Variants in LHFPL6 observed in about 807,000 individuals in gnomAD.
The protein encoded by LHFPL6 is LHFPL tetraspan subfamily member 6, also known as LHFPL tetraspan subfamily member 6 protein.
Under a neutral mutation model 20.6 loss-of-function variants are expected in LHFPL6, and 9 were observed. The ratio of observed to expected loss-of-function variants is 0.44; its 90% CI spans 0.26 to 0.76. The LOEUF (loss-of-function observed/expected upper bound fraction) is 0.76. LHFPL6 is among the 30% of genes least tolerant of loss of function. The pLI is 0.20. For missense variants in LHFPL6, 218 were observed against 253.5 expected (o/e 0.86, Z 0.95); for synonymous variants, 105 against 98.7 (o/e 1.06, Z -0.38).
chr13:39,595,030 A>C (rs966082194), intron 2 of LHFPL6, among the ~76,000 whole-genome samples: 3 of 152,160 alleles, frequency 2.0e-5, no homozygotes, highest in African/African-American at 7.2e-5. Context: ...TGACGAGTTA[A>C]TGGGTGCAGC....
At position 39,437,626 on chromosome 13, in the gene LHFPL6, A is replaced by G. The variant is rs145880458; in HGVS notation, c.386-59100T>C. Among the ~76,000 whole-genome samples, 1,004 of 152,312 alleles carry G rather than the reference A, an allele frequency of 6.6e-3. 17 individuals are homozygous for G. Among genetic ancestry groups the G allele is most frequent in the African/African-American group, 0.023 (950 of 41,564 alleles). On this transcript the variant is annotated intron_variant, in intron 2 of 3. Transcript: ENST00000379589. Reference sequence around the variant, plus strand: ...CAGCAGTGCAAGAATTAAATAGGCCAGGCGCGGTGGCTCACGCCTGTAATC... The same window carrying G: ...CAGCAGTGCAAGAATTAAATAGGCCGGGCGCGGTGGCTCACGCCTGTAATC...
At chr13:39,416,219 A>G (rs579270) in intron 2 of LHFPL6, among the ~76,000 whole-genome samples, 76,597 of 152,024 alleles carry the variant, frequency 0.5, 20,608 homozygotes, top group Non-Finnish European at 0.59. Flanking sequence ...TATTGACTCA[A>G]TGATCAAGCC....
intron 2 of LHFPL6, among the ~76,000 whole-genome samples, chr13:39,519,970 G>C (rs1870054672): frequency 1.3e-5 from 2 of 152,192 alleles, no homozygotes; most frequent in Admixed American, 1.3e-4. Flanking sequence ...GGGATTCATA[G>C]GATTGGTCCA....
chr13:39,395,974 T>G (rs544080465), intron 2 of LHFPL6, among the ~76,000 whole-genome samples: 1 of 152,242 alleles, frequency 6.6e-6, no homozygotes, highest in African/African-American at 2.4e-5. Context: ...ACAAGCCTTA[T>G]AAACAGACTA....
chr13:39,511,166 C>T (rs1459000728), intron 2 of LHFPL6, among the ~76,000 whole-genome samples: 2 of 152,068 alleles, frequency 1.3e-5, no homozygotes, highest in Non-Finnish European at 2.9e-5. Flanking sequence ...AGCCACCGCA[C>T]CTAGCCAAAA....
intron 2 of LHFPL6, among the ~76,000 whole-genome samples, chr13:39,534,974 T>G (rs1207497756): frequency 6.6e-6 from 1 of 152,210 alleles, no homozygotes; most frequent in Non-Finnish European, 1.5e-5. Context: ...AATCAGGATG[T>G]TGGCAGGGCC....
chr13:39,562,231 A>G (rs1254222353), intron 2 of LHFPL6, among the ~76,000 whole-genome samples: 1 of 151,956 alleles, frequency 6.6e-6, no homozygotes, highest in Admixed American at 6.6e-5. Context: ...AGTACTAAAC[A>G]TGGAGAGGAA....
Position 39,547,358 on chromosome 13 carries a change from C to A in LHFPL6, c.385+53474G>T, listed in dbSNP as rs535820041. On this transcript the variant is annotated intron_variant, in intron 2 of 3. Transcript: ENST00000379589. ...TCCATTCATCTTGTATCCCCAATAC[C>A]TAGCAAGGGGCTTTGTCACAGAAAG... Among the ~76,000 whole-genome samples the A allele has an allele frequency of 4.6e-5, 7 of 152,140 alleles. No homozygotes were observed. In the South Asian group the frequency reaches 1.5e-3, roughly 32 times the overall value.
At chr13:39,404,809 C>T (rs997671777) in intron 2 of LHFPL6, among the ~76,000 whole-genome samples, 2 of 152,188 alleles carry the variant, frequency 1.3e-5, no homozygotes, top group Non-Finnish European at 2.9e-5. Context: ...AGAGCCAAGA[C>T]CTAGACTGTT....
chr13:39,484,794 G>T (rs746289569), intron 2 of LHFPL6, among the ~76,000 whole-genome samples: 20 of 152,190 alleles, frequency 1.3e-4, no homozygotes, highest in Non-Finnish European at 2.8e-4. Flanking sequence ...GATGAATGAG[G>T]AGGAGGTGAG....
chr13:39,395,011 C>T (rs577838099), intron 2 of LHFPL6, among the ~76,000 whole-genome samples: 2 of 152,278 alleles, frequency 1.3e-5, no homozygotes, highest in South Asian at 4.1e-4. Flanking sequence ...CCCCAATTGG[C>T]CCCATGGACT....
chr13:39,395,974 T>C (rs544080465), intron 2 of LHFPL6, among the ~76,000 whole-genome samples: 2 of 152,360 alleles, frequency 1.3e-5, no homozygotes, highest in African/African-American at 2.4e-5. Flanking sequence ...ACAAGCCTTA[T>C]AAACAGACTA....
chr13:39,412,576 G>T (rs948004107), intron 2 of LHFPL6, among the ~76,000 whole-genome samples: 2 of 152,160 alleles, frequency 1.3e-5, no homozygotes, highest in Non-Finnish European at 2.9e-5. Context: ...TGCCACAATT[G>T]TTCCCATTTT....
At chr13:39,473,278 C>A (rs1872994269) in intron 2 of LHFPL6, among the ~76,000 whole-genome samples, 1 of 150,684 alleles carries the variant, frequency 6.6e-6, no homozygotes, top group Non-Finnish European at 1.5e-5. Flanking sequence ...CTTTAAGAAC[C>A]AAAGTTCTCC....
At chr13:39,395,248 G>A (rs1470155157) in intron 2 of LHFPL6, among the ~76,000 whole-genome samples, 1 of 152,132 alleles carries the variant, frequency 6.6e-6, no homozygotes, top group Non-Finnish European at 1.5e-5. Flanking sequence ...TTCAAGGGAG[G>A]CATAAAAAGA....
At chr13:39,567,181 C>T (rs962643089) in intron 2 of LHFPL6, among the ~76,000 whole-genome samples, 10 of 152,138 alleles carry the variant, frequency 6.6e-5, no homozygotes, top group Admixed American at 5.2e-4. Flanking sequence ...AGCAGGAACA[C>T]ATCCTTGTTT....
chr13:39,521,093 C>CT (rs951918113), intron 2 of LHFPL6, among the ~76,000 whole-genome samples: 4 of 152,136 alleles, frequency 2.6e-5, no homozygotes, highest in African/African-American at 9.7e-5. Context: ...AATTATTCTC[C>CT]TTTCTTTTAA....
In LHFPL6 at chr13:39,464,052, T is replaced by C. The variant is rs150914711; in HGVS notation, c.386-85526A>G. ...TCATACATTCTACATAAGTAAAATATGCAAGGCACAGAGGGCATTGTAAAC... is the reference window on the plus strand; with the variant it reads ...TCATACATTCTACATAAGTAAAATACGCAAGGCACAGAGGGCATTGTAAAC... On this transcript the variant is annotated intron_variant, in intron 2 of 3. Coordinates refer to ENST00000379589, the MANE Select transcript of LHFPL6 (RefSeq NM_005780.3). Among the ~76,000 whole-genome samples the C allele has an allele frequency of 3.8e-3, 585 of 152,316 alleles. 1 individual carries two copies. The highest frequency in any genetic ancestry group is 0.013 in the African/African-American group (546 of 41,572).
At chr13:39,474,784 C>T (rs1276638788) in intron 2 of LHFPL6, among the ~76,000 whole-genome samples, 1 of 151,808 alleles carries the variant, frequency 6.6e-6, no homozygotes, top group Non-Finnish European at 1.5e-5. Context: ...TGGGGGCAGG[C>T]CAGTACCACA....
Sources: allele counts gnomAD v4.1 joint callset (sites outside exome capture counted in the v4.1 genomes callset), GRCh38; gene constraint gnomAD v4.1.1; transcripts MANE v1.5; gene names NCBI Gene and HGNC (gene_info 2026-07-23, HGNC 2026-07-21).